ACVR1: variants seen among roughly 807,000 people sequenced by gnomAD.
The protein encoded by ACVR1 is activin receptor type-1.
In ACVR1, 38 loss-of-function variants were observed where a neutral mutation model predicts 57.1. The ratio of observed to expected loss-of-function variants is 0.67; its 90% CI spans 0.51 to 0.87. ACVR1 has a LOEUF of 0.87. Ranked by LOEUF, ACVR1 falls within the 40% of genes least tolerant of loss-of-function variation. ACVR1 has a pLI of 0.00. For missense variants in ACVR1, 463 were observed against 638.2 expected (o/e 0.73, Z 2.96); for synonymous variants, 212 against 228.1 (o/e 0.93, Z 0.63).
chr2:157,868,134 G>C (rs1053634784), intron 1 of ACVR1, among the ~76,000 whole-genome samples: 1 of 152,020 alleles, frequency 6.6e-6, no homozygotes, highest in African/African-American at 2.4e-5. Flanking sequence ...CTAAGGTCTC[G>C]CATGCCACCC....
In ACVR1 at chr2:157,770,450, G is replaced by GATCTTCACGGC; in HGVS notation, c.697_707dup (p.Ile236MetfsTer3). The GATCTTCACGGC allele has an allele frequency of 6.2e-7, 1 of 1,614,032 alleles. No homozygotes were observed. The highest frequency in any genetic ancestry group is 8.5e-7 in the Non-Finnish European group (1 of 1,179,958). ...ATGACTTCTCATCACGGGAGGAGAA[G>GATCTTCACGGC]ATCTTCACGGCAACATTCTCCCCTT... On this transcript the variant is annotated stop_gained and frameshift_variant, in exon 7 of 11. Coordinates refer to ENST00000434821, the MANE Select transcript of ACVR1 (RefSeq NM_001111067.4). LOFTEE classifies it high-confidence loss of function.
At chr2:157,829,787 T>C (rs1303939271) in intron 1 of ACVR1, among the ~76,000 whole-genome samples, 1 of 152,228 alleles carries the variant, frequency 6.6e-6, no homozygotes, top group Non-Finnish European at 1.5e-5. Flanking sequence ...CTCATCTGTT[T>C]TTCCCAAACT....
rs1687023084 is a variant in ACVR1 at position 157,794,154 on chromosome 2, G to A, written c.67+5273C>T. Among the ~76,000 whole-genome samples the A allele has an allele frequency of 2.0e-5, 3 of 152,166 alleles. No homozygotes were observed. In the South Asian group the frequency reaches 6.2e-4, roughly 31 times the overall value. On this transcript the variant is annotated intron_variant, in intron 3 of 10. Transcript: ENST00000434821. ...GTCTTCACCTGCAAATGTGTACAGG[G>A]ACAAAAGAAAAGCCAAACATGGAGG... is the stretch of plus-strand genomic sequence containing the variant.
At chr2:157,856,062 A>G (rs1019067915) in intron 1 of ACVR1, among the ~76,000 whole-genome samples, 6 of 152,150 alleles carry the variant, frequency 3.9e-5, no homozygotes, top group Non-Finnish European at 8.8e-5. Context: ...AATACATTTC[A>G]GTGTAGTCTG....
chr2:157,849,503 T>G (rs1266253403), intron 1 of ACVR1, among the ~76,000 whole-genome samples: 2 of 152,190 alleles, frequency 1.3e-5, no homozygotes, highest in African/African-American at 4.8e-5. Flanking sequence ...ATCCAAACAC[T>G]AGGAAATGCC....
intron 3 of ACVR1, among the ~76,000 whole-genome samples, chr2:157,787,457 G>T (rs569703614): frequency 6.6e-6 from 1 of 152,294 alleles, no homozygotes; most frequent in East Asian, 1.9e-4. Context: ...TCTCCTCAGC[G>T]TATGTGCCAA....
At chr2:157,835,074 T>G (rs1270572380) in intron 1 of ACVR1, among the ~76,000 whole-genome samples, 1 of 152,178 alleles carries the variant, frequency 6.6e-6, no homozygotes, top group African/African-American at 2.4e-5. Context: ...CCAAATGGAC[T>G]AAAACAATCC....
At chr2:157,809,887 C>T (rs912828402) in intron 2 of ACVR1, among the ~76,000 whole-genome samples, 1 of 152,040 alleles carries the variant, frequency 6.6e-6, no homozygotes, top group African/African-American at 2.4e-5. Context: ...CCAGCATGGG[C>T]AACACAGTGA....
chr2:157,798,772 C>T (rs1687214087), intron 3 of ACVR1, among the ~76,000 whole-genome samples: 1 of 152,160 alleles, frequency 6.6e-6, no homozygotes, highest in Non-Finnish European at 1.5e-5. Context: ...AAGTGATCCA[C>T]CTGCATTGGC....
chr2:157,855,317 TATATATACAC>T (rs1435388927), intron 1 of ACVR1, among the ~76,000 whole-genome samples: 1 of 107,538 alleles, frequency 9.3e-6, no homozygotes, highest in Non-Finnish European at 1.9e-5. Context: ...TGTATATATA[TATATATACAC>T]ACACACACAC....
At chr2:157,842,752 A>G (rs1689019846) in intron 1 of ACVR1, among the ~76,000 whole-genome samples, 1 of 152,188 alleles carries the variant, frequency 6.6e-6, no homozygotes, top group Non-Finnish European at 1.5e-5. Flanking sequence ...CCACCCCCTG[A>G]AAATTTCAGA....
intron 1 of ACVR1, among the ~76,000 whole-genome samples, chr2:157,845,608 C>A (rs113184466): frequency 6.6e-6 from 1 of 152,182 alleles, no homozygotes; most frequent in East Asian, 1.9e-4. Context: ...TTTCTTATGG[C>A]AGCCCTAGGA....
At chr2:157,790,617 T>C (rs1261807025) in intron 3 of ACVR1, among the ~76,000 whole-genome samples, 1 of 152,238 alleles carries the variant, frequency 6.6e-6, no homozygotes, top group Non-Finnish European at 1.5e-5. Flanking sequence ...TTAATATCAT[T>C]TGTGAGCCAC....
chr2:157,762,560 A>C (rs2105254963), intron 8 of ACVR1, among the ~76,000 whole-genome samples: 1 of 152,288 alleles, frequency 6.6e-6, no homozygotes, highest in South Asian at 2.1e-4. Flanking sequence ...ACATGGAGAT[A>C]TTCTGAAGAT....
rs1219953789 is a variant in ACVR1 at position 157,780,523 on chromosome 2, C to T, written c.145G>A (p.Glu49Lys). 3 of 1,613,940 alleles carry T rather than the reference C, an allele frequency of 1.9e-6. No individual in the cohort carries two copies. In the South Asian group the frequency reaches 3.3e-5, roughly 18 times the overall value. The part of the protein sequence containing the change: ...GLSCGNEDHC[E>K]GQQCFSSLSI... ...AGTGAGGAAAAGCACTGCTGGCCTT[C>T]ACAGTGGTCCTCATTACCGCAGGAG... Residue 49 changes from glutamate (E) to lysine (K), a missense_variant, in exon 4 of 11, where the codon GAA becomes AAA. By Grantham distance (56) the Glu-to-Lys change is moderately conservative. This residue lies in a region of ACVR1 where 203 missense variants were observed against 235.5 expected (regional missense o/e 0.86). Coordinates refer to ENST00000434821, the MANE Select transcript of ACVR1 (RefSeq NM_001111067.4).
chr2:157,774,206 G>A lies in ACVR1; in HGVS notation c.544-19C>T. 6.2e-7 allele frequency: 1 copy of A among 1,604,034 alleles called. No homozygotes were observed. Among genetic ancestry groups the A allele is most frequent in the South Asian group, 1.1e-5 (1 of 90,870 alleles). ...ATAAATCCTGTGGTTTAAGACAAGGGGGAAAAGAAACGATTGAGCAATATA... is the reference window on the plus strand; with the variant it reads ...ATAAATCCTGTGGTTTAAGACAAGGAGGAAAAGAAACGATTGAGCAATATA... On this transcript the variant is annotated intron_variant, in intron 5 of 10. Coordinates refer to ENST00000434821, the MANE Select transcript of ACVR1 (RefSeq NM_001111067.4).
At position 157,780,592 on chromosome 2, in the gene ACVR1, G is replaced by C; in HGVS notation, c.76C>G (p.Pro26Ala). Residue 26 changes from proline (P) to alanine (A), a missense_variant, in exon 4 of 11, where the codon CCC becomes GCC. Pro to Ala is a conservative substitution (Grantham distance 27, BLOSUM62 -1). Coordinates refer to ENST00000434821, the MANE Select transcript of ACVR1 (RefSeq NM_001111067.4). The stretch of plus-strand genomic sequence containing the variant: ...ATGTAGAGTTTGGGGTTGACCTTGG[G>C]CTTCTCATCTGCAAAGGAGAGAAAG... ...LPSPSMEDEK[P>A]KVNPKLYMCV... The C allele has an allele frequency of 6.2e-7, 1 of 1,613,630 alleles. No individual in the cohort carries two copies. Among genetic ancestry groups the C allele is most frequent in the Non-Finnish European group, 8.5e-7 (1 of 1,179,954 alleles).
intron 9 of ACVR1, among the ~76,000 whole-genome samples, chr2:157,754,100 C>A (rs920261433): frequency 6.6e-6 from 1 of 152,186 alleles, no homozygotes; most frequent in Non-Finnish European, 1.5e-5. Flanking sequence ...CTCTGGAATA[C>A]AGCAAAGGTA....
chr2:157,759,488 G>A (rs1421919270), intron 9 of ACVR1, among the ~76,000 whole-genome samples: 1 of 152,020 alleles, frequency 6.6e-6, no homozygotes, highest in Non-Finnish European at 1.5e-5. Flanking sequence ...GAAAACCTCA[G>A]GATTGGATGG....
Sources: gnomAD v4.1 joint callset for allele counts (sites outside exome capture counted in the v4.1 genomes callset) on GRCh38, gnomAD v4.1.1 for gene constraint, gnomAD v4.1.1 regional missense constraint, MANE v1.5 for transcripts, NCBI Gene and HGNC (gene_info 2026-07-23, HGNC 2026-07-21) for gene names.